Variants in DCC observed in about 807,000 individuals in gnomAD.
DCC encodes DCC netrin 1 receptor.
Under a neutral mutation model 172.5 loss-of-function variants are expected in DCC, and 58 were observed. The ratio of observed to expected loss-of-function variants is 0.34; its 90% CI spans 0.27 to 0.42. The LOEUF (loss-of-function observed/expected upper bound fraction) is 0.42, where lower values mean the gene tolerates loss of function less well. Among genes scored for constraint, DCC ranks in the 10% least tolerant of loss-of-function variants. The pLI, the probability that DCC is intolerant of heterozygous loss-of-function variation, is 1.00. For missense variants in DCC, 1,740 were observed against 1,791.0 expected (o/e 0.97, Z 0.51); for synonymous variants, 709 against 644.5 (o/e 1.10, Z -1.52).
chr18:52,432,155 G>A (rs1987646224), intron 1 of DCC, among the ~76,000 whole-genome samples: 1 of 152,044 alleles, frequency 6.6e-6, no homozygotes, highest in African/African-American at 2.4e-5. Context: ...CTCATCACTA[G>A]CTCCCTGGGT....
intron 1 of DCC, among the ~76,000 whole-genome samples, chr18:52,538,979 T>C (rs765599488): frequency 6.6e-5 from 10 of 152,304 alleles, no homozygotes; most frequent in East Asian, 3.9e-4. Context: ...CTGAGGCTGA[T>C]AGACATGTGA....
chr18:52,640,829 T>C (rs2034876213), intron 1 of DCC, among the ~76,000 whole-genome samples: 1 of 152,026 alleles, frequency 6.6e-6, no homozygotes, highest in Admixed American at 6.6e-5. Flanking sequence ...CCCATCAAAA[T>C]ACCACCATCA....
At chr18:52,422,769 A>C (rs1042074658) in intron 1 of DCC, among the ~76,000 whole-genome samples, 3 of 152,188 alleles carry the variant, frequency 2.0e-5, no homozygotes, top group African/African-American at 7.2e-5. Flanking sequence ...GAATTAGAGC[A>C]ACATAGATAT....
chr18:53,236,793 C>T (rs1007261412), intron 12 of DCC, among the ~76,000 whole-genome samples: 11 of 151,986 alleles, frequency 7.2e-5, no homozygotes, highest in African/African-American at 2.7e-4. Context: ...TATAGGTATC[C>T]AGTTTTGTCG....
intron 5 of DCC, among the ~76,000 whole-genome samples, chr18:52,996,139 C>A (rs1216347059): frequency 4.6e-5 from 7 of 151,870 alleles, no homozygotes; most frequent in Non-Finnish European, 8.8e-5. Flanking sequence ...TACTGCATAG[C>A]GATGTGTAAT....
chr18:52,828,163 C>T (rs773822960), intron 2 of DCC, among the ~76,000 whole-genome samples: 10 of 152,174 alleles, frequency 6.6e-5, no homozygotes, highest in Non-Finnish European at 1.5e-4. Context: ...TCATACTCTA[C>T]ATACTACGGG....
At chr18:53,351,340 T>TATATATAC (rs1568074777) in intron 15 of DCC, among the ~76,000 whole-genome samples, 61 of 71,318 alleles carry the variant, frequency 8.6e-4, no homozygotes, top group Non-Finnish European at 1.7e-3. Flanking sequence ...ATACAGTGTA[T>TATATATAC]ATATATATAC....
At chr18:53,400,833 G>A (rs976226555) in intron 18 of DCC, among the ~76,000 whole-genome samples, 21 of 152,072 alleles carry the variant, frequency 1.4e-4, no homozygotes, top group African/African-American at 4.8e-4. Context: ...TTTTGAATGC[G>A]TAACAGATTC....
intron 8 of DCC, among the ~76,000 whole-genome samples, chr18:53,159,265 TG>T (rs1162557587): frequency 6.6e-6 from 1 of 152,138 alleles, no homozygotes; most frequent in Non-Finnish European, 1.5e-5. Context: ...CTCCTCCTTA[TG>T]TATATTTTTC....
intron 8 of DCC, among the ~76,000 whole-genome samples, chr18:53,171,485 A>G (rs948696268): frequency 1.3e-5 from 2 of 152,206 alleles, no homozygotes; most frequent in Non-Finnish European, 2.9e-5. Context: ...AGACTGAGAA[A>G]GTATGAATTG....
At chr18:52,522,891 C>G (rs566638610) in intron 1 of DCC, among the ~76,000 whole-genome samples, 62 of 152,120 alleles carry the variant, frequency 4.1e-4, no homozygotes, top group Non-Finnish European at 6.8e-4. Flanking sequence ...ACAATCATTG[C>G]AGATCTGTAA....
intron 2 of DCC, among the ~76,000 whole-genome samples, chr18:52,857,400 A>T (rs893493264): frequency 2.6e-5 from 4 of 152,192 alleles, no homozygotes; most frequent in Admixed American, 2.0e-4. Context: ...ACTAGGGAAA[A>T]AAAGTTTCAT....
At chr18:53,528,863 C>A (rs9950293) in intron 28 of DCC, among the ~76,000 whole-genome samples, 34,801 of 151,804 alleles carry the variant, frequency 0.23, 4,544 homozygotes, top group East Asian at 0.41. Context: ...TGAGACTAGG[C>A]ACATTTTAAG....
intron 1 of DCC, among the ~76,000 whole-genome samples, chr18:52,587,397 C>T (rs1454742045): frequency 6.6e-6 from 1 of 152,162 alleles, no homozygotes; most frequent in Non-Finnish European, 1.5e-5. Context: ...GTCATCCTAT[C>T]CACTTGATTA....
intron 1 of DCC, among the ~76,000 whole-genome samples, chr18:52,463,471 T>C (rs1253358288): frequency 6.6e-6 from 1 of 152,168 alleles, no homozygotes; most frequent in Non-Finnish European, 1.5e-5. Context: ...TACTAAGAGT[T>C]AGAGACTGTG....
At chr18:53,338,992 C>T (rs536104044) in intron 14 of DCC, among the ~76,000 whole-genome samples, 1 of 152,228 alleles carries the variant, frequency 6.6e-6, no homozygotes, top group South Asian at 2.1e-4. Context: ...TTCCCGAGCT[C>T]AAGCTTTGAG....
intron 14 of DCC, among the ~76,000 whole-genome samples, chr18:53,335,535 C>T (rs770639248): frequency 5.3e-5 from 8 of 152,060 alleles, no homozygotes; most frequent in Non-Finnish European, 1.0e-4. Flanking sequence ...GAGAATAACA[C>T]GTCTACATAT....
In DCC at chr18:53,230,167, T is replaced by G. The variant is rs147753918; in HGVS notation, c.1911+14570T>G. ...TTCTGTGAAATACAAGTGATCATCT[T>G]GCACAACAGTACCACATTTAGCATT... On this transcript the variant is annotated intron_variant, in intron 12 of 28. Transcript: ENST00000442544. Among the ~76,000 whole-genome samples the G allele has an allele frequency of 7.4e-3, 1,123 of 152,238 alleles. 7 individuals are homozygous for G. Among genetic ancestry groups the G allele is most frequent in the Non-Finnish European group, 0.013 (850 of 67,956 alleles).
rs1271020326 is a variant in DCC at position 53,005,644 on chromosome 18, A to AGC, written c.986-57661_986-57660insGC. Among the ~76,000 whole-genome samples, 3 of 152,232 alleles carry AGC rather than the reference A, an allele frequency of 2.0e-5. No individual in the cohort carries two copies. In the East Asian group the frequency reaches 5.8e-4, roughly 29 times the overall value. On this transcript the variant is annotated intron_variant, in intron 5 of 28. Coordinates refer to ENST00000442544, the MANE Select transcript of DCC (RefSeq NM_005215.4). ...TCGGGAGACTGAGCCAGGAGAATCGATTGAACCCCAGAGGTGGAGCTTGCA... is the reference window on the plus strand; with the variant it reads ...TCGGGAGACTGAGCCAGGAGAATCGAGCTTGAACCCCAGAGGTGGAGCTTGCA...
Sources: allele counts gnomAD v4.1 joint callset (sites outside exome capture counted in the v4.1 genomes callset), GRCh38; gene constraint gnomAD v4.1.1; transcripts MANE v1.5; gene names NCBI Gene and HGNC (gene_info 2026-07-23, HGNC 2026-07-21).